The following INPP5D variants were observed in gnomAD, a reference collection of about 807,000 sequenced individuals.
The protein encoded by INPP5D is inositol polyphosphate-5-phosphatase D.
INPP5D carries 33 observed loss-of-function variants against 122.9 expected under a neutral mutation model. The observed-to-expected ratio is 0.27, with a 90% confidence interval of 0.20 to 0.36. The LOEUF is 0.36. Among genes scored for constraint, INPP5D ranks in the 10% least tolerant of loss-of-function variants. The pLI is 1.00. For synonymous variants in INPP5D, 584 were observed against 576.2 expected (o/e 1.01, Z -0.19); for missense variants, 1,053 against 1,412.7 (o/e 0.75, Z 4.08).
chr2:233,074,293 C>G (rs1691457023), intron 1 of INPP5D, among the ~76,000 whole-genome samples: 1 of 152,146 alleles, frequency 6.6e-6, no homozygotes, highest in Non-Finnish European at 1.5e-5. Flanking sequence ...CGCCTCATAC[C>G]TGGGTCTTGT....
At chr2:233,112,695 C>T (rs551197212) in intron 2 of INPP5D, among the ~76,000 whole-genome samples, 127 of 152,056 alleles carry the variant, frequency 8.4e-4, no homozygotes, top group Non-Finnish European at 8.8e-5. Flanking sequence ...TAAAAAATAC[C>T]GCATCTCACT....
rs1460198770 is a variant in INPP5D at position 233,183,595 on chromosome 2, T to G, written c.2162-813T>G. ...TGAAGGGGTTGCCCTTGCCATCTCCTCCTCTATTCCGGGGTAGGGCATCCT... is the reference window on the plus strand; with the variant it reads ...TGAAGGGGTTGCCCTTGCCATCTCCGCCTCTATTCCGGGGTAGGGCATCCT... On this transcript the variant is annotated intron_variant, in intron 19 of 26. Coordinates refer to ENST00000445964, the MANE Select transcript of INPP5D (RefSeq NM_001017915.3). This position sits in a 1 kb window ranked among gnomAD's most constrained non-coding sequence, Gnocchi z 4.6. Among the ~76,000 whole-genome samples, 1 of 152,162 alleles carries G rather than the reference T, an allele frequency of 6.6e-6. No individual in the cohort carries two copies. Among genetic ancestry groups the G allele is most frequent in the East Asian group, 1.9e-4 (1 of 5,196 alleles).
At chr2:233,151,420 AC>A (rs1693921433) in intron 9 of INPP5D, among the ~76,000 whole-genome samples, 1 of 152,090 alleles carries the variant, frequency 6.6e-6, no homozygotes, top group Admixed American at 6.5e-5. Flanking sequence ...GAATGTGCCC[AC>A]CTAGCTCCAG....
At chr2:233,166,584 C>G (rs1274768890) in intron 13 of INPP5D, among the ~76,000 whole-genome samples, 3 of 151,918 alleles carry the variant, frequency 2.0e-5, no homozygotes, top group Non-Finnish European at 2.9e-5. Flanking sequence ...GCAGCTCACA[C>G]ACACCTTCCC....
In INPP5D at chr2:233,100,056, G is replaced by A. The variant is rs548617362; in HGVS notation, c.198+20658G>A. On this transcript the variant is annotated intron_variant, in intron 2 of 26. Transcript: ENST00000445964. This position sits in a 1 kb window ranked among gnomAD's most constrained non-coding sequence, Gnocchi z 5.3. ...CGCCATAATTCAATCACCTCCCACC[G>A]GGTTCCTCCCACGACACGTGGGAAT... is the stretch of plus-strand genomic sequence containing the variant. Among the ~76,000 whole-genome samples, 7 of 152,124 alleles carry A rather than the reference G, an allele frequency of 4.6e-5. No homozygotes were observed. Among genetic ancestry groups the A allele is most frequent in the Admixed American group, 2.6e-4 (4 of 15,272 alleles).
intron 25 of INPP5D, among the ~76,000 whole-genome samples, 186 bp downstream of exon 25, chr2:233,198,562 C>G (rs896957399): frequency 2.6e-5 from 4 of 152,226 alleles, no homozygotes; most frequent in African/African-American, 9.6e-5. Context: ...ATGTCCTAAC[C>G]TGTTAGTGCA....
At position 233,184,533 on chromosome 2, in the gene INPP5D, C is replaced by G; in HGVS notation, c.2275+12C>G. ...GAGCTGCTTGGAGAGTAAGTGGCTG[C>G]TGAGCCACCTTCTGGGCAGAACTGC... On this transcript the variant is annotated intron_variant, in intron 20 of 26. Coordinates refer to ENST00000445964, the MANE Select transcript of INPP5D (RefSeq NM_001017915.3). 6.2e-7 allele frequency: 1 copy of G among 1,613,842 alleles called. No homozygotes were observed. Among genetic ancestry groups the G allele is most frequent in the Non-Finnish European group, 8.5e-7 (1 of 1,179,794 alleles).
rs150040449 is a variant in INPP5D, at chr2:233,118,886, G to A, written c.199-3221G>A. ...GCATTCTCTCCCTTCCTGGGAACCC[G>A]GGCAGCCGGCAGCCTTGGTTTGCCA... is the stretch of plus-strand genomic sequence containing the variant. On this transcript the variant is annotated intron_variant, in intron 2 of 26. Coordinates refer to ENST00000445964, the MANE Select transcript of INPP5D (RefSeq NM_001017915.3). Among the ~76,000 whole-genome samples the A allele has an allele frequency of 8.1e-3, 1,237 of 152,372 alleles. 10 individuals carry two copies. The highest frequency in any genetic ancestry group is 0.017 in the African/African-American group (691 of 41,596).
At chr2:233,113,957 A>C (rs1374838055) in intron 2 of INPP5D, among the ~76,000 whole-genome samples, 1 of 112,022 alleles carries the variant, frequency 8.9e-6, no homozygotes, top group Non-Finnish European at 1.7e-5. Context: ...CCCAGGCTGG[A>C]TGGAGTGCAG....
chr2:233,089,944 C>A (rs1691947722), intron 2 of INPP5D, among the ~76,000 whole-genome samples: 1 of 152,212 alleles, frequency 6.6e-6, no homozygotes, highest in South Asian at 2.1e-4. Flanking sequence ...TCCAAAGAAC[C>A]CTCTGAGAGG....
chr2:233,109,705 A>T (rs1490868462), intron 2 of INPP5D, among the ~76,000 whole-genome samples: 1 of 150,530 alleles, frequency 6.6e-6, no homozygotes, highest in South Asian at 2.1e-4. Flanking sequence ...CAGCCTCCCG[A>T]GTAGCTGGGA....
Position 233,125,952 on chromosome 2 carries a change from A to G in INPP5D, c.524+33A>G, listed in dbSNP as rs373517587. ...CCCACTCAAGTCCAGCTGGGCCTTC[A>G]TCTGCAGTGAGCCCAGCCAGGGCAG... On this transcript the variant is annotated intron_variant, in intron 4 of 26. Coordinates refer to ENST00000445964, the MANE Select transcript of INPP5D (RefSeq NM_001017915.3). The G allele has an allele frequency of 6.8e-4, 1,096 of 1,600,562 alleles. 4 individuals carry two copies. Among genetic ancestry groups the G allele is most frequent in the East Asian group, 5.4e-3 (241 of 44,426 alleles).
chr2:233,136,487 A>AAAAAAG (rs1693469086), intron 5 of INPP5D, among the ~76,000 whole-genome samples: 1 of 152,012 alleles, frequency 6.6e-6, no homozygotes, highest in African/African-American at 2.4e-5. Flanking sequence ...TAAAAAAAAA[A>AAAAAAG]AGGAAATAGA....
chr2:233,087,295 T>A (rs981066735), intron 2 of INPP5D, among the ~76,000 whole-genome samples: 3 of 152,090 alleles, frequency 2.0e-5, no homozygotes, highest in African/African-American at 4.8e-5. Context: ...GTGGCACTTG[T>A]GACTACCTGA....
intron 2 of INPP5D, among the ~76,000 whole-genome samples, chr2:233,089,817 C>G (rs1691944750): frequency 6.6e-6 from 1 of 152,198 alleles, no homozygotes; most frequent in East Asian, 1.9e-4. Flanking sequence ...AAGCAATTTT[C>G]AAGATTAGAC....
intron 1 of INPP5D, among the ~76,000 whole-genome samples, chr2:233,077,157 C>T (rs1026742396): frequency 3.3e-5 from 5 of 151,972 alleles, no homozygotes; most frequent in Admixed American, 6.5e-5. Context: ...TTTCAGAAAA[C>T]GGTATACATA....
intron 18 of INPP5D, among the ~76,000 whole-genome samples, chr2:233,178,454 A>ATTT (rs1694701121): frequency 2.0e-5 from 3 of 146,834 alleles, no homozygotes; most frequent in Non-Finnish European, 3.0e-5. Context: ...GAATTGTGGT[A>ATTT]TTTTATTATT....
intron 13 of INPP5D, among the ~76,000 whole-genome samples, chr2:233,167,905 A>G (rs1012187343): frequency 4.7e-5 from 7 of 150,298 alleles, no homozygotes; most frequent in Admixed American, 1.3e-4. Flanking sequence ...CTCCTGAGGC[A>G]GAGACAGGAG....
At chr2:233,185,333 T>G (rs1694885126) in intron 20 of INPP5D, among the ~76,000 whole-genome samples, 1 of 152,174 alleles carries the variant, frequency 6.6e-6, no homozygotes, top group Admixed American at 6.5e-5. Flanking sequence ...CCTTTGTCAC[T>G]GAGTCCCCAA....
Sources: allele counts gnomAD v4.1 joint callset (sites outside exome capture counted in the v4.1 genomes callset), GRCh38; gene constraint gnomAD v4.1.1; non-coding constraint Gnocchi (gnomAD v3.1); transcripts MANE v1.5; gene names NCBI Gene and HGNC (gene_info 2026-07-23, HGNC 2026-07-21).